Variants in SUSD1 observed in about 807,000 individuals in gnomAD.
SUSD1 encodes the protein sushi domain containing 1.
Under a neutral mutation model 86.9 loss-of-function variants are expected in SUSD1, and 65 were observed. The observed-to-expected ratio is 0.75, with a 90% CI of 0.61 to 0.92. SUSD1 has a LOEUF of 0.92. Among genes scored for constraint, SUSD1 ranks in the 40% least tolerant of loss-of-function variants. The pLI is 0.00. For synonymous variants in SUSD1, 346 were observed against 350.0 expected, an observed-to-expected ratio of 0.99 and a Z score of 0.13; for missense variants, 850 against 929.7, an observed-to-expected ratio of 0.91 and a Z score of 1.11.
chr9:112,106,140 C>G (rs966388718), intron 8 of SUSD1, among the ~76,000 whole-genome samples: 8 of 152,120 alleles, frequency 5.3e-5, no homozygotes, highest in African/African-American at 1.7e-4. Context: ...CAGGCACACA[C>G]CACCACCCCC....
At chr9:112,074,559 C>T (rs1829430807) in intron 12 of SUSD1, among the ~76,000 whole-genome samples, 1 of 152,184 alleles carries the variant, frequency 6.6e-6, no homozygotes, top group Non-Finnish European at 1.5e-5. Flanking sequence ...ATCCTGTTCC[C>T]ATCAGTAAGA....
intron 5 of SUSD1, among the ~76,000 whole-genome samples, chr9:112,134,160 T>TTC (rs1287686641): frequency 6.6e-6 from 1 of 152,188 alleles, no homozygotes; most frequent in East Asian, 1.9e-4. Context: ...ATTTGGAGAT[T>TTC]TCTCAAAGAG....
chr9:112,108,605 C>T (rs1228115190), intron 8 of SUSD1, among the ~76,000 whole-genome samples: 1 of 151,624 alleles, frequency 6.6e-6, no homozygotes, highest in African/African-American at 2.4e-5. Context: ...TGGCAAAACC[C>T]TGTCTCTACA....
At chr9:112,045,075 C>T (rs574909179) in intron 15 of SUSD1, among the ~76,000 whole-genome samples, 2 of 152,286 alleles carry the variant, frequency 1.3e-5, no homozygotes, top group South Asian at 2.1e-4. Flanking sequence ...CATTAAGATG[C>T]CATCTTTGTG....
chr9:112,112,844 A>G lies in SUSD1; in HGVS notation c.911T>C (p.Val304Ala). Reference sequence around the variant, plus strand: ...CACACAGGTATCATTAAACAGTGATACATCATTAATCTTTGTCAGAATTTC... The same window carrying G: ...CACACAGGTATCATTAAACAGTGATGCATCATTAATCTTTGTCAGAATTTC... ...CTEILTKINDVSLFNDTCVRW... is the reference protein window; with the variant it reads ...CTEILTKINDASLFNDTCVRW... The change falls in exon 7 of 17, where the codon GTA (valine) becomes GCA (alanine). Residue 304 changes from valine (V) to alanine (A), a missense_variant. Physicochemically the swap from Val to Ala is moderately conservative, Grantham distance 64. Coordinates refer to ENST00000374270, the MANE Select transcript of SUSD1 (RefSeq NM_022486.5). The G allele has an allele frequency of 6.2e-7, 1 of 1,612,598 alleles. No individual in the cohort carries two copies. Among genetic ancestry groups the G allele is most frequent in the Non-Finnish European group, 8.5e-7 (1 of 1,178,692 alleles).
intron 15 of SUSD1, among the ~76,000 whole-genome samples, chr9:112,044,017 C>A (rs1313441348): frequency 6.6e-6 from 1 of 152,100 alleles, no homozygotes; most frequent in East Asian, 1.9e-4. Flanking sequence ...CCAGGCTGGT[C>A]TCGAACTCTT....
In SUSD1 at chr9:112,159,912, A is replaced by T. The variant is rs531248207; in HGVS notation, c.104-2299T>A. ...TAGTGGTTTTTCTCATTTTTGAGTT[A>T]TCTCTTATTTTAAAAAAGAACACAC... On this transcript the variant is annotated intron_variant, in intron 1 of 16. Transcript: ENST00000374270. 6.0e-4 allele frequency among the ~76,000 whole-genome samples: 91 copies of T among 152,188 alleles called. 1 individual carries two copies. Among genetic ancestry groups the T allele is most frequent in the African/African-American group, 2.0e-3 (82 of 41,526 alleles).
At chr9:112,077,630 G>A (rs1015761748) in intron 12 of SUSD1, among the ~76,000 whole-genome samples, 15 of 141,566 alleles carry the variant, frequency 1.1e-4, no homozygotes, top group South Asian at 2.4e-4. Context: ...TCAGCCTCCC[G>A]AGTAGCTGGG....
At chr9:112,133,976 A>T (rs1084380) in intron 5 of SUSD1, among the ~76,000 whole-genome samples, 68,668 of 152,104 alleles carry the variant, frequency 0.45, 16,158 homozygotes, top group African/African-American at 0.59. Flanking sequence ...ATGCTCCACA[A>T]CACTAATCAG....
chr9:112,069,155 A>T (rs1829136265), intron 12 of SUSD1, among the ~76,000 whole-genome samples: 1 of 152,080 alleles, frequency 6.6e-6, no homozygotes, highest in South Asian at 2.1e-4. Flanking sequence ...CCAAGGGCGG[A>T]CCACCGAGAA....
At chr9:112,088,587 G>C (rs898235398) in intron 10 of SUSD1, among the ~76,000 whole-genome samples, 2 of 152,206 alleles carry the variant, frequency 1.3e-5, no homozygotes, top group Admixed American at 1.3e-4. Flanking sequence ...AGGAGTTCAG[G>C]ACTAGCCTGG....
chr9:112,062,896 G>T (rs767565582), intron 13 of SUSD1, 41 bp downstream of exon 13: 1 of 1,347,436 alleles, frequency 7.4e-7, no homozygotes, highest in Admixed American at 1.8e-5. Flanking sequence ...AACACTCCAT[G>T]GGGATCACTG....
Position 112,111,704 on chromosome 9 carries a change from G to A in SUSD1, c.1121C>T (p.Thr374Ile). The A allele has an allele frequency of 6.2e-7, 1 of 1,614,172 alleles. No homozygotes were observed. Among genetic ancestry groups the A allele is most frequent in the Non-Finnish European group, 8.5e-7 (1 of 1,180,014 alleles). The change falls in exon 8 of 17, where the codon ACA becomes ATA. Residue 374 changes from threonine to isoleucine, a missense_variant. By Grantham distance (89) the Thr-to-Ile change is moderately conservative. Coordinates refer to ENST00000374270, the MANE Select transcript of SUSD1 (RefSeq NM_022486.5). Reference protein sequence around the residue: ...PGTNYTVNISTAPPRRSMPAV... With the variant: ...PGTNYTVNISIAPPRRSMPAV... ...TGGCATCGAGCGCCTGGGAGGTGCT[G>A]TGGAGATGTTCACGGTGTAGTTGGT...
chr9:112,149,547 CG>C (rs1832957096), intron 2 of SUSD1, 148 bp from the exon 3 acceptor site: 1 of 925,226 alleles, frequency 1.1e-6, no homozygotes, highest in South Asian at 1.7e-5. Context: ...TCTCCTTTCA[CG>C]ATGCTCCCCA....
At chr9:112,100,987 T>C (rs1830610663) in intron 9 of SUSD1, among the ~76,000 whole-genome samples, 2 of 152,168 alleles carry the variant, frequency 1.3e-5, no homozygotes, top group South Asian at 2.1e-4. Flanking sequence ...TAGTTGCCTA[T>C]TTACCTATAT....
intron 6 of SUSD1, among the ~76,000 whole-genome samples, chr9:112,116,398 T>G (rs1041345056): frequency 6.6e-6 from 1 of 152,204 alleles, no homozygotes; most frequent in Non-Finnish European, 1.5e-5. Flanking sequence ...TATAAAAGAA[T>G]CAGATATTCA....
chr9:112,061,282 G>A (rs548473285), intron 13 of SUSD1, among the ~76,000 whole-genome samples: 1 of 152,248 alleles, frequency 6.6e-6, no homozygotes, highest in Admixed American at 6.5e-5. Context: ...TCACACACTG[G>A]CAAAGCTGCT....
chr9:112,106,444 C>G (rs1269484093), intron 8 of SUSD1, among the ~76,000 whole-genome samples: 1 of 152,144 alleles, frequency 6.6e-6, no homozygotes, highest in Non-Finnish European at 1.5e-5. Context: ...AAGACATTCT[C>G]AGATCATCAT....
At chr9:112,114,426 T>A (rs1382851205) in intron 6 of SUSD1, among the ~76,000 whole-genome samples, 1 of 152,152 alleles carries the variant, frequency 6.6e-6, no homozygotes, top group Admixed American at 6.5e-5. Context: ...GAGGTGGCAG[T>A]GAGCCAAGAT....
Sources: allele counts gnomAD v4.1 joint callset (sites outside exome capture counted in the v4.1 genomes callset), GRCh38; gene constraint gnomAD v4.1.1; transcripts MANE v1.5; gene names NCBI Gene and HGNC (gene_info 2026-07-23, HGNC 2026-07-21).